The following PRR16 variants were observed in gnomAD, a reference collection of about 807,000 sequenced individuals.
PRR16 encodes protein Largen.
Under a neutral mutation model 18.2 loss-of-function variants are expected in PRR16, and 6 were observed. The ratio of observed to expected loss-of-function variants is 0.33; its 90% confidence interval spans 0.18 to 0.65. PRR16 has a LOEUF of 0.65. Ranked by LOEUF, PRR16 falls within the 30% of genes least tolerant of loss-of-function variation. The pLI is 0.74. For synonymous variants in PRR16, 151 were observed against 147.8 expected, an observed-to-expected ratio of 1.02 and a Z score of -0.16; for missense variants, 412 against 376.6, an observed-to-expected ratio of 1.09 and a Z score of -0.78.
At chr5:120,580,656 T>C (rs1001885318) in intron 1 of PRR16, among the ~76,000 whole-genome samples, 17 of 151,878 alleles carry the variant, frequency 1.1e-4, no homozygotes, top group Admixed American at 1.3e-4. Flanking sequence ...GAGGTTTCAC[T>C]GTGTTAGCCA....
At chr5:120,504,171 C>G (rs1359602846) in intron 1 of PRR16, among the ~76,000 whole-genome samples, 1 of 152,142 alleles carries the variant, frequency 6.6e-6, no homozygotes, top group East Asian at 1.9e-4. Context: ...CTATCCCTCC[C>G]CACTCCCGAT....
At chr5:120,696,030 C>A in the PRR16 span, among the ~76,000 whole-genome samples, 1 of 152,004 alleles carries the variant, frequency 6.6e-6, no homozygotes, top group African/African-American at 2.4e-5. Flanking sequence ...ATCACGAGGT[C>A]AGGAGCTCGA....
At chr5:120,603,176 T>C (rs916612250) in intron 1 of PRR16, among the ~76,000 whole-genome samples, 4 of 152,082 alleles carry the variant, frequency 2.6e-5, no homozygotes, top group Non-Finnish European at 4.4e-5. Context: ...GAATTTTCTG[T>C]GAATTTGTTT....
At chr5:120,620,381 C>T (rs1489531852) in intron 1 of PRR16, among the ~76,000 whole-genome samples, 3 of 152,058 alleles carry the variant, frequency 2.0e-5, no homozygotes, top group East Asian at 3.9e-4. Context: ...GATTGATGAC[C>T]TGCAGGAAAA....
chr5:120,645,474 T>A (rs1755559736), intron 1 of PRR16, among the ~76,000 whole-genome samples: 1 of 148,882 alleles, frequency 6.7e-6, no homozygotes, highest in South Asian at 2.1e-4. Context: ...AACTACTATT[T>A]TTGATCAGCT....
intron 1 of PRR16, among the ~76,000 whole-genome samples, chr5:120,582,428 G>C (rs999327158): frequency 4.0e-5 from 6 of 151,690 alleles, no homozygotes; most frequent in African/African-American, 1.5e-4. Context: ...TAACAAACAT[G>C]ACATGTACCC....
At chr5:120,603,363 T>G (rs1007381876) in intron 1 of PRR16, among the ~76,000 whole-genome samples, 1 of 152,154 alleles carries the variant, frequency 6.6e-6, no homozygotes, top group Non-Finnish European at 1.5e-5. Context: ...GTGTTCATAT[T>G]AGTCTCTGAT....
the PRR16 span, among the ~76,000 whole-genome samples, chr5:120,761,409 C>G: frequency 1.3e-5 from 2 of 152,026 alleles, no homozygotes; most frequent in Non-Finnish European, 2.9e-5. Context: ...AAAACTACCC[C>G]TAGACTATAT....
At chr5:120,690,717 T>C (rs10043860), downstream of PRR16, among the ~76,000 whole-genome samples, 150,590 of 152,284 alleles carry the variant, frequency 0.99, 74,474 homozygotes, top group East Asian at 1. Flanking sequence ...TTACATGATT[T>C]TGAAATAATG....
chr5:120,547,692 A>C (rs967680160), intron 1 of PRR16, among the ~76,000 whole-genome samples: 4 of 152,094 alleles, frequency 2.6e-5, no homozygotes, highest in Admixed American at 6.6e-5. Context: ...GAAGTGAGCA[A>C]AGTACTTACT....
chr5:120,664,724 T>TG (rs1015314343), intron 1 of PRR16, among the ~76,000 whole-genome samples: 3 of 151,448 alleles, frequency 2.0e-5, no homozygotes, highest in African/African-American at 7.3e-5. Context: ...TTTTTGTCCT[T>TG]GCGATAGTTT....
chr5:120,603,523 G>C (rs144003911), intron 1 of PRR16, among the ~76,000 whole-genome samples: 1 of 151,860 alleles, frequency 6.6e-6, no homozygotes, highest in African/African-American at 2.4e-5. Flanking sequence ...TGGTTTCATT[G>C]TTCTGTTATG....
intron 1 of PRR16, among the ~76,000 whole-genome samples, chr5:120,483,495 A>T (rs1458396436): frequency 6.6e-6 from 1 of 152,078 alleles, no homozygotes; most frequent in Non-Finnish European, 1.5e-5. Context: ...GATTTGCTAA[A>T]CTCAATACAT....
intron 1 of PRR16, among the ~76,000 whole-genome samples, chr5:120,514,755 C>A (rs1394679772): frequency 6.6e-6 from 1 of 152,196 alleles, no homozygotes; most frequent in African/African-American, 2.4e-5. Flanking sequence ...ACATTTCTAC[C>A]AGATTCTGAT....
downstream of PRR16, among the ~76,000 whole-genome samples, chr5:120,692,139 A>G (rs756310103): frequency 4.6e-5 from 7 of 152,234 alleles, no homozygotes; most frequent in Non-Finnish European, 1.0e-4. Flanking sequence ...GTGTACAGGT[A>G]ATCTGTAGAG....
At chr5:120,739,517 G>C in the PRR16 span, among the ~76,000 whole-genome samples, 2 of 152,054 alleles carry the variant, frequency 1.3e-5, no homozygotes, top group African/African-American at 4.8e-5. Context: ...CAGTCTTTTA[G>C]AACAGTATAC....
chr5:120,749,876 G>A, the PRR16 span, among the ~76,000 whole-genome samples: 1 of 151,974 alleles, frequency 6.6e-6, no homozygotes, highest in African/African-American at 2.4e-5. Context: ...TTCTAATATC[G>A]AATTTCAAAT....
At chr5:120,579,021 A>T (rs1753173349) in intron 1 of PRR16, among the ~76,000 whole-genome samples, 1 of 151,890 alleles carries the variant, frequency 6.6e-6, no homozygotes. Flanking sequence ...GCTTTTTTTC[A>T]TATATTTGTT....
At chr5:120,486,189 G>A (rs563333674) in intron 1 of PRR16, among the ~76,000 whole-genome samples, 1 of 152,274 alleles carries the variant, frequency 6.6e-6, no homozygotes, top group East Asian at 1.9e-4. Context: ...TGGGTCAAAT[G>A]GTAGTTCTAG....
Sources: gnomAD v4.1 joint callset for allele counts (sites outside exome capture counted in the v4.1 genomes callset) on GRCh38, gnomAD v4.1.1 for gene constraint, MANE v1.5 for transcripts, NCBI Gene and HGNC (gene_info 2026-07-23, HGNC 2026-07-21) for gene names.